Variants in GRK3 observed in about 807,000 individuals in gnomAD.
GRK3 encodes the protein G protein-coupled receptor kinase 3.
A neutral mutation model predicts 95.7 loss-of-function variants in GRK3; 54 were observed. The ratio of observed to expected loss-of-function variants is 0.56; its 90% confidence interval spans 0.45 to 0.71. GRK3 has a LOEUF of 0.71. Among genes scored for constraint, GRK3 ranks in the 30% least tolerant of loss-of-function variants. The pLI is 0.00. For missense variants in GRK3, 649 were observed against 851.2 expected, an observed-to-expected ratio of 0.76 and a Z score of 2.96; for synonymous variants, 281 against 290.8, an observed-to-expected ratio of 0.97 and a Z score of 0.34.
intron 3 of GRK3, among the ~76,000 whole-genome samples, chr22:25,658,983 A>G (rs1050397629): frequency 6.6e-6 from 1 of 152,118 alleles, no homozygotes; most frequent in Admixed American, 6.6e-5. Context: ...AGATAGTTAG[A>G]TATTTAGAAT....
chr22:25,619,847 T>C (rs2084568222), intron 2 of GRK3, among the ~76,000 whole-genome samples: 1 of 151,960 alleles, frequency 6.6e-6, no homozygotes, highest in Non-Finnish European at 1.5e-5. Context: ...GGAACATCTA[T>C]GAAGTGGTTG....
rs555826531 is a variant in GRK3 at position 25,587,776 on chromosome 22, T to C, written c.114-16601T>C. On this transcript the variant is annotated intron_variant, in intron 1 of 20. Coordinates refer to ENST00000324198, the MANE Select transcript of GRK3 (RefSeq NM_005160.4). ...GTGGCAGTGAGTAAGTCTCACGAGA[T>C]CTGATGGTTTGATAAGGGGAAACCC... Among the ~76,000 whole-genome samples, 257 of 150,798 alleles carry C rather than the reference T, an allele frequency of 1.7e-3. 3 individuals carry two copies. Among genetic ancestry groups the C allele is most frequent in the Middle Eastern group, 3.4e-3 (1 of 292 alleles).
chr22:25,614,024 AG>A (rs1349843083), intron 2 of GRK3, among the ~76,000 whole-genome samples: 5 of 152,150 alleles, frequency 3.3e-5, no homozygotes, highest in Non-Finnish European at 7.3e-5. Context: ...AATTCAGAAA[AG>A]CTACATTTTA....
rs562369536 is a variant in GRK3 at position 25,719,643 on chromosome 22, G to T, written c.1791+1262G>T. On this transcript the variant is annotated intron_variant, in intron 19 of 20. Transcript: ENST00000324198. Reference sequence around the variant, plus strand: ...CTACTGGGTGAAGAGCCCAGGGCTTGTCAACAAGGAAGGAGCCAACCCTGG... The same window carrying T: ...CTACTGGGTGAAGAGCCCAGGGCTTTTCAACAAGGAAGGAGCCAACCCTGG... Among the ~76,000 whole-genome samples, 303 of 146,330 alleles carry T rather than the reference G, an allele frequency of 2.1e-3. 2 individuals are homozygous for T. The highest frequency in any genetic ancestry group is 6.9e-3 in the Middle Eastern group (2 of 288).
At chr22:25,602,882 G>A (rs2084418407) in intron 1 of GRK3, among the ~76,000 whole-genome samples, 1 of 152,178 alleles carries the variant, frequency 6.6e-6, no homozygotes, top group African/African-American at 2.4e-5. Context: ...AGTTACATAG[G>A]TGTATATGTT....
intron 2 of GRK3, among the ~76,000 whole-genome samples, chr22:25,604,668 A>G (rs562028801): frequency 1.3e-5 from 2 of 152,250 alleles, no homozygotes; most frequent in Non-Finnish European, 2.9e-5. Flanking sequence ...GGGTAATTCT[A>G]GGATTTTTAC....
intron 2 of GRK3, among the ~76,000 whole-genome samples, chr22:25,640,770 C>T (rs1228900886): frequency 6.6e-6 from 1 of 151,760 alleles, no homozygotes; most frequent in African/African-American, 2.4e-5. Flanking sequence ...GCGGGTGTTA[C>T]ATACACTAAA....
At chr22:25,609,100 G>A (rs968501669) in intron 2 of GRK3, among the ~76,000 whole-genome samples, 5 of 152,136 alleles carry the variant, frequency 3.3e-5, no homozygotes, top group African/African-American at 1.2e-4. Context: ...GTTTTAAGGG[G>A]ATACTGGTTA....
Position 25,678,891 on chromosome 22 carries a change from C to A in GRK3, c.723C>A (p.Ile241=). Residue 241 remains isoleucine, a synonymous_variant, in exon 9 of 21, where the codon ATC becomes ATA. Coordinates refer to ENST00000324198, the MANE Select transcript of GRK3 (RefSeq NM_005160.4). The stretch of plus-strand genomic sequence containing the variant: ...AAACATTAGCCTTAAATGAAAGAAT[C>A]ATGTTGTCTCTTGTCAGCACAGGAG... ...QGETLALNER[I]MLSLVSTGDC... 1 of 1,603,168 alleles carries A rather than the reference C, an allele frequency of 6.2e-7. No individual in the cohort carries two copies. The highest frequency in any genetic ancestry group is 8.5e-7 in the Non-Finnish European group (1 of 1,172,714).
chr22:25,712,134 C>G (rs2146465614), intron 17 of GRK3, among the ~76,000 whole-genome samples: 1 of 152,286 alleles, frequency 6.6e-6, no homozygotes, highest in Non-Finnish European at 1.5e-5. Flanking sequence ...CTAGGGGCCC[C>G]AGGAGATGAG....
In GRK3 at chr22:25,591,820, A is replaced by C. The variant is rs143317045; in HGVS notation, c.114-12557A>C. 2.5e-3 allele frequency among the ~76,000 whole-genome samples: 375 copies of C among 152,308 alleles called. 3 individuals are homozygous for C. Among genetic ancestry groups the C allele is most frequent in the African/African-American group, 8.5e-3 (354 of 41,568 alleles). On this transcript the variant is annotated intron_variant, in intron 1 of 20. Coordinates refer to ENST00000324198, the MANE Select transcript of GRK3 (RefSeq NM_005160.4). ...TCCATCTGGGTTTTTAAATGTATTC[A>C]TAGTTCATTCATTTTATTGCTGAGT...
rs2084922781 is a variant in GRK3, at chr22:25,663,497, A to G, written c.367-133A>G. ...TAAATACTCAACAGATTTTTAAAGAATGTTTGTTAATATAATTACCGTAGG... is the reference window on the plus strand; with the variant it reads ...TAAATACTCAACAGATTTTTAAAGAGTGTTTGTTAATATAATTACCGTAGG... On this transcript the variant is annotated intron_variant, in intron 4 of 20. Transcript: ENST00000324198. 1.0e-5 allele frequency: 6 copies of G among 582,242 alleles called. 1 individual carries two copies. Among genetic ancestry groups the G allele is most frequent in the South Asian group, 8.3e-5 (3 of 35,970 alleles). The allele number at this position is 582,242 out of a possible 1,614,324, so 36.1% of individuals were successfully genotyped here.
intron 2 of GRK3, among the ~76,000 whole-genome samples, chr22:25,631,187 CTTTA>C (rs1314909124): frequency 6.6e-6 from 1 of 152,096 alleles, no homozygotes; most frequent in East Asian, 1.9e-4. Context: ...ATGCTTTTTT[CTTTA>C]TTTATGAATT....
At chr22:25,612,749 A>T (rs564758453) in intron 2 of GRK3, among the ~76,000 whole-genome samples, 1 of 152,264 alleles carries the variant, frequency 6.6e-6, no homozygotes, top group East Asian at 1.9e-4. Context: ...TTTAGGGCCA[A>T]GGCATAAGAA....
At chr22:25,647,310 C>G in intron 3 of GRK3, 1 of 1,209,340 alleles carries the variant, frequency 8.3e-7, no homozygotes, top group Non-Finnish European at 1.2e-6. Flanking sequence ...CATTAAATAC[C>G]TGAAAATACT....
chr22:25,696,920 TTATC>T (rs886952050), intron 13 of GRK3, among the ~76,000 whole-genome samples: 2 of 152,214 alleles, frequency 1.3e-5, no homozygotes, highest in African/African-American at 4.8e-5. Flanking sequence ...ATTAGAGAGT[TTATC>T]TAAGCAAACC....
intron 1 of GRK3, among the ~76,000 whole-genome samples, chr22:25,590,593 G>A (rs193257973): frequency 2.1e-4 from 32 of 152,184 alleles, no homozygotes; most frequent in African/African-American, 3.9e-4. Context: ...AGGCTGAGGC[G>A]GATGGATCAT....
chr22:25,616,576 A>G (rs536986075), intron 2 of GRK3, among the ~76,000 whole-genome samples: 1 of 152,296 alleles, frequency 6.6e-6, no homozygotes. Context: ...GGGCATGGAC[A>G]TACATCCAAA....
chr22:25,619,583 A>C (rs146050023), intron 2 of GRK3, among the ~76,000 whole-genome samples: 116 of 150,820 alleles, frequency 7.7e-4, no homozygotes, highest in Admixed American at 2.6e-3. Context: ...TCCTGGACTC[A>C]TGTGATCTTC....
Sources: allele counts gnomAD v4.1 joint callset (sites outside exome capture counted in the v4.1 genomes callset), GRCh38; gene constraint gnomAD v4.1.1; transcripts MANE v1.5; gene names NCBI Gene and HGNC (gene_info 2026-07-23, HGNC 2026-07-21).